EXOC2: variants seen among roughly 807,000 people sequenced by gnomAD.
EXOC2 encodes the protein SEC5-like 1.
In EXOC2, 70 loss-of-function variants were observed where a neutral mutation model predicts 131.8. The ratio of observed to expected loss-of-function variants is 0.53; its 90% CI spans 0.44 to 0.65. EXOC2 has a LOEUF of 0.65. EXOC2 is among the 30% of genes least tolerant of loss of function. The pLI is 0.00. For missense variants in EXOC2, 923 were observed against 1,108.6 expected (o/e 0.83, Z 2.38); for synonymous variants, 411 against 398.4 (o/e 1.03, Z -0.38).
At chr6:671,895 T>A (rs1208714460) in intron 1 of EXOC2, among the ~76,000 whole-genome samples, 1 of 152,088 alleles carries the variant, frequency 6.6e-6, no homozygotes, top group African/African-American at 2.4e-5. Context: ...ATATGCTAAG[T>A]GTAGATTTTT....
At chr6:688,978 T>C (rs553335028) in intron 1 of EXOC2, among the ~76,000 whole-genome samples, 1 of 152,296 alleles carries the variant, frequency 6.6e-6, no homozygotes, top group African/African-American at 2.4e-5. Flanking sequence ...TAAAAATTCA[T>C]CCATGCTTAC....
chr6:544,592 T>C (rs1581404750), intron 22 of EXOC2, among the ~76,000 whole-genome samples: 1 of 152,220 alleles, frequency 6.6e-6, no homozygotes, highest in African/African-American at 2.4e-5. Context: ...AACACATATA[T>C]ATAGAGATAA....
chr6:594,540 G>C (rs1238997910), intron 10 of EXOC2, among the ~76,000 whole-genome samples: 1 of 152,164 alleles, frequency 6.6e-6, no homozygotes, highest in Admixed American at 6.6e-5. Flanking sequence ...TACTGAATAG[G>C]AGTGTAGACA....
chr6:508,317 AT>A (rs913510970), intron 23 of EXOC2, among the ~76,000 whole-genome samples: 16 of 152,168 alleles, frequency 1.1e-4, no homozygotes, highest in African/African-American at 3.6e-4. Flanking sequence ...TATTACCCAA[AT>A]TCCACAGTTT....
chr6:555,694 C>T (rs1007925844), intron 19 of EXOC2, among the ~76,000 whole-genome samples: 39 of 152,092 alleles, frequency 2.6e-4, no homozygotes, highest in African/African-American at 8.9e-4. Flanking sequence ...TGTGCTCGAA[C>T]AGAATACATA....
Position 499,446 on chromosome 6 carries a change from C to A in EXOC2, c.2436+199G>T, listed in dbSNP as rs185131975. On this transcript the variant is annotated intron_variant, in intron 24 of 27. Coordinates refer to ENST00000230449, the MANE Select transcript of EXOC2 (RefSeq NM_018303.6). Reference sequence around the variant, plus strand: ...TCACAGTTAAACACACACACACACACACACACACACACACACACACACACA... The same window carrying A: ...TCACAGTTAAACACACACACACACAAACACACACACACACACACACACACA... Among the ~76,000 whole-genome samples, 4 of 151,098 alleles carry A rather than the reference C, an allele frequency of 2.6e-5. No homozygotes were observed. In the Admixed American group the frequency reaches 2.6e-4, roughly 10 times the overall value.
intron 7 of EXOC2, among the ~76,000 whole-genome samples, chr6:608,032 T>C (rs1766839): frequency 0.089 from 13,611 of 152,290 alleles, 1,038 homozygotes; most frequent in African/African-American, 0.21. Flanking sequence ...CATTAGTATA[T>C]AATTATACAT....
At chr6:647,223 A>C (rs1762613594) in intron 1 of EXOC2, among the ~76,000 whole-genome samples, 1 of 152,182 alleles carries the variant, frequency 6.6e-6, no homozygotes, top group Admixed American at 6.5e-5. Flanking sequence ...CACATAAAGA[A>C]CCAAATTTTT....
intron 11 of EXOC2, among the ~76,000 whole-genome samples, chr6:583,610 C>A (rs1581491237): frequency 1.3e-5 from 2 of 152,194 alleles, no homozygotes; most frequent in Admixed American, 6.5e-5. Flanking sequence ...ATTCTCAAGT[C>A]CCAGGTTACT....
intron 22 of EXOC2, among the ~76,000 whole-genome samples, chr6:545,356 T>C (rs1333684686): frequency 1.3e-5 from 2 of 152,148 alleles, no homozygotes; most frequent in African/African-American, 4.8e-5. Context: ...CCTACCACAA[T>C]AAAATTATAC....
At chr6:543,803 T>G (rs1756686739) in intron 22 of EXOC2, among the ~76,000 whole-genome samples, 1 of 152,184 alleles carries the variant, frequency 6.6e-6, no homozygotes, top group Non-Finnish European at 1.5e-5. Flanking sequence ...GAAGCTGTTT[T>G]GAAGGAGGAA....
chr6:637,581 T>C, intron 2 of EXOC2, 120 bp downstream of exon 2: 1 of 732,788 alleles, frequency 1.4e-6, no homozygotes, highest in East Asian at 2.7e-5. Context: ...TGGAGCATTC[T>C]GTAGAGATCA....
At chr6:582,174 G>A (rs1758942555) in intron 11 of EXOC2, among the ~76,000 whole-genome samples, 1 of 152,038 alleles carries the variant, frequency 6.6e-6, no homozygotes, top group South Asian at 2.1e-4. Context: ...GGACTTCCAG[G>A]AAACCATATC....
chr6:660,281 A>G (rs981743900), intron 1 of EXOC2, among the ~76,000 whole-genome samples: 2 of 148,224 alleles, frequency 1.3e-5, no homozygotes, highest in African/African-American at 5.0e-5. Context: ...GTCCCTCTCC[A>G]CACTACTACA....
chr6:608,722 C>T (rs1369676246), intron 7 of EXOC2, among the ~76,000 whole-genome samples: 3 of 152,142 alleles, frequency 2.0e-5, no homozygotes, highest in Admixed American at 6.5e-5. Context: ...TTTCCCAAAC[C>T]GGAACAAGGA....
intron 1 of EXOC2, among the ~76,000 whole-genome samples, chr6:658,854 G>GT (rs1763285247): frequency 6.6e-6 from 1 of 151,672 alleles, no homozygotes; most frequent in South Asian, 2.1e-4. Context: ...TAAAGACGAG[G>GT]TTTCACCATG....
rs1002217226 is a variant in EXOC2 at position 485,742 on chromosome 6, G to C, written c.*929C>G. 6.6e-6 allele frequency: 1 copy of C among 152,272 alleles called. No homozygotes were observed. Among genetic ancestry groups the C allele is most frequent in the Admixed American group, 6.5e-5 (1 of 15,284 alleles). 9.4% of individuals were successfully genotyped at this position (152,272 alleles called of 1,614,324 possible). ...TCAGAGAAGAGACTGTGTGACAGCA[G>C]CATTGTTCCAGCTACTGAGCAAGAT... On this transcript the variant is annotated 3_prime_UTR_variant, in exon 28 of 28. Transcript: ENST00000230449.
chr6:565,522 G>A (rs1757925160), intron 13 of EXOC2, among the ~76,000 whole-genome samples: 1 of 152,070 alleles, frequency 6.6e-6, no homozygotes, highest in Admixed American at 6.6e-5. Context: ...AGAGAAGCCT[G>A]TTCAGTTGGA....
chr6:644,823 T>C (rs1762506906), intron 1 of EXOC2, among the ~76,000 whole-genome samples: 1 of 152,082 alleles, frequency 6.6e-6, no homozygotes, highest in Admixed American at 6.5e-5. Context: ...TACAATATAC[T>C]GCAGAGACAA....
Sources: allele counts gnomAD v4.1 joint callset (sites outside exome capture counted in the v4.1 genomes callset), GRCh38; gene constraint gnomAD v4.1.1; transcripts MANE v1.5; gene names NCBI Gene and HGNC (gene_info 2026-07-23, HGNC 2026-07-21).